The following NUMB variants were observed in gnomAD, a reference collection of about 807,000 sequenced individuals.
NUMB encodes the protein NUMB endocytic adaptor protein.
A neutral mutation model predicts 59.7 loss-of-function variants in NUMB; 29 were observed. The observed-to-expected ratio is 0.49, with a 90% CI of 0.36 to 0.66. The LOEUF is 0.66. Among genes scored for constraint, NUMB ranks in the 30% least tolerant of loss-of-function variants. The pLI is 0.00. For synonymous variants in NUMB, 288 were observed against 288.2 expected, an observed-to-expected ratio of 1.00 and a Z score of 0.01; for missense variants, 723 against 822.0, an observed-to-expected ratio of 0.88 and a Z score of 1.47.
rs943894913 is a variant in NUMB at position 73,346,498 on chromosome 14, T to A, written c.126+9128A>T. Among the ~76,000 whole-genome samples, 20 of 146,194 alleles carry A rather than the reference T, an allele frequency of 1.4e-4. No homozygotes were observed. In the East Asian group the frequency reaches 1.6e-3, roughly 11 times the overall value. On this transcript the variant is annotated intron_variant, in intron 4 of 12. Transcript: ENST00000555238. ...TCTGTCTCAAAAAAAAAAAAAAAAA[T>A]TTATCTCTGTTATACCAGCAGATAG...
chr14:73,361,170 G>A (rs896141543), intron 3 of NUMB, among the ~76,000 whole-genome samples: 1 of 152,178 alleles, frequency 6.6e-6, no homozygotes, highest in Non-Finnish European at 1.5e-5. Context: ...GATTATAGGT[G>A]TGAACCACTG....
chr14:73,418,727 C>T (rs147650413), intron 1 of NUMB, among the ~76,000 whole-genome samples: 8,032 of 151,624 alleles, frequency 0.053, 677 homozygotes, highest in African/African-American at 0.18. Context: ...GCCGAAACTG[C>T]GCCACTGCAC....
chr14:73,365,974 T>C (rs540931287), intron 3 of NUMB, among the ~76,000 whole-genome samples: 4 of 152,346 alleles, frequency 2.6e-5, no homozygotes, highest in African/African-American at 7.2e-5. Context: ...TAAGCACTCC[T>C]GCAAGTGATA....
At chr14:73,340,145 A>G (rs1892553004) in intron 4 of NUMB, among the ~76,000 whole-genome samples, 1 of 152,206 alleles carries the variant, frequency 6.6e-6, no homozygotes, top group African/African-American at 2.4e-5. Context: ...TTGGCCTCTC[A>G]CTGGCAGGAT....
rs55831976 is a variant in NUMB at position 73,390,638 on chromosome 14, CTTTTTTTTTTTT to C, written c.-101+19287_-101+19298del. ...ATTTCCTTGAGGACAAAAACAAAGT[CTTTTTTTTTTTT>C]TTTTTTTTTTTTTTTTTTTGAGACA... On this transcript the variant is annotated intron_variant, in intron 2 of 12. Transcript: ENST00000555238. Among the ~76,000 whole-genome samples the C allele has an allele frequency of 6.9e-4, 27 of 39,410 alleles. No homozygotes were observed. The South Asian group carries it at 8.8e-3, about 13-fold the overall frequency. 25.9% of individuals were successfully genotyped at this position (39,410 alleles called of 152,430 possible). A position where few individuals can be genotyped will look rare whatever the true frequency, so the allele number is the denominator to read the frequency against.
chr14:73,321,853 A>T (rs954531803), intron 5 of NUMB, among the ~76,000 whole-genome samples: 3 of 152,108 alleles, frequency 2.0e-5, no homozygotes, highest in East Asian at 1.9e-4. Flanking sequence ...ATCTTTTTTT[A>T]AAATTTTTTA....
At chr14:73,391,941 C>A (rs1895874903) in intron 2 of NUMB, among the ~76,000 whole-genome samples, 1 of 152,192 alleles carries the variant, frequency 6.6e-6, no homozygotes, top group Non-Finnish European at 1.5e-5. Flanking sequence ...ACTTCCTACC[C>A]ATTTTGTGTA....
Position 73,276,558 on chromosome 14 carries a change from T to G in NUMB, c.*20A>C, listed in dbSNP as rs369532050. 5.6e-5 allele frequency: 89 copies of G among 1,590,032 alleles called. 1 individual carries two copies. The East Asian group carries it at 1.1e-3, about 19-fold the overall frequency. On this transcript the variant is annotated 3_prime_UTR_variant, in exon 13 of 13. Coordinates refer to ENST00000555238, the MANE Select transcript of NUMB (RefSeq NM_001005743.2). ...TGCTCCCTGTCTGGTATGGACAAGA[T>G]ACATAGCCATAATGATTGCTTAAAG...
intron 4 of NUMB, among the ~76,000 whole-genome samples, chr14:73,335,573 CTGAG>C (rs1426598168): frequency 6.6e-6 from 1 of 152,274 alleles, no homozygotes; most frequent in African/African-American, 2.4e-5. Flanking sequence ...CAAACTCCTT[CTGAG>C]TAAGAAACTT....
rs543405465 is a variant in NUMB, at chr14:73,368,531, C to T, written c.-100-1550G>A. On this transcript the variant is annotated intron_variant, in intron 2 of 12. Coordinates refer to ENST00000555238, the MANE Select transcript of NUMB (RefSeq NM_001005743.2). ...CTGGGAGGCGGAGGTTACAGTGAGCCGAGATCGCGCCATTGCACTCCAGCC... is the reference window on the plus strand; with the variant it reads ...CTGGGAGGCGGAGGTTACAGTGAGCTGAGATCGCGCCATTGCACTCCAGCC... Among the ~76,000 whole-genome samples the T allele has an allele frequency of 5.3e-5, 8 of 151,274 alleles. No individual in the cohort carries two copies. The East Asian group carries it at 5.8e-4, about 11-fold the overall frequency.
intron 3 of NUMB, among the ~76,000 whole-genome samples, chr14:73,359,668 T>C (rs1298647687): frequency 6.6e-6 from 1 of 152,022 alleles, no homozygotes; most frequent in Non-Finnish European, 1.5e-5. Context: ...AGAATAAAAA[T>C]ATATTTGATT....
chr14:73,367,348 T>TATATATATATATATATAGAG (rs1555375287), intron 2 of NUMB, among the ~76,000 whole-genome samples: 3 of 105,306 alleles, frequency 2.8e-5, no homozygotes, highest in African/African-American at 1.5e-4. Flanking sequence ...TATATATATA[T>TATATATATATATATATAGAG]AGAGAGAGAG....
chr14:73,449,197 CTAGAGAAATAATT>C (rs1479379170), intron 1 of NUMB, among the ~76,000 whole-genome samples: 2 of 152,012 alleles, frequency 1.3e-5, no homozygotes, highest in East Asian at 3.8e-4. Flanking sequence ...TATAATTAAT[CTAGAGAAATAATT>C]CAAAGTATAC....
At chr14:73,441,361 AAC>A (rs1456848394) in intron 1 of NUMB, among the ~76,000 whole-genome samples, 3 of 152,054 alleles carry the variant, frequency 2.0e-5, no homozygotes, top group Non-Finnish European at 4.4e-5. Context: ...CAACCTGGCC[AAC>A]ACAGTGAAAC....
intron 11 of NUMB, among the ~76,000 whole-genome samples, chr14:73,281,915 C>T (rs1180303886): frequency 1.3e-5 from 2 of 152,154 alleles, no homozygotes; most frequent in African/African-American, 4.8e-5. Flanking sequence ...GCCAGTAACA[C>T]CCCCAACCCC....
Position 73,403,843 on chromosome 14 carries a change from C to A in NUMB, c.-101+6094G>T, listed in dbSNP as rs555987416. The stretch of plus-strand genomic sequence containing the variant: ...GGCATGGTGGCTCATGCCTGTAATT[C>A]CAGGACTTTGGGAGGCCGAGGCGGG... On this transcript the variant is annotated intron_variant, in intron 2 of 12. Coordinates refer to ENST00000555238, the MANE Select transcript of NUMB (RefSeq NM_001005743.2). Among the ~76,000 whole-genome samples, 4 of 152,142 alleles carry A rather than the reference C, an allele frequency of 2.6e-5. No individual in the cohort carries two copies. In the East Asian group the frequency reaches 7.7e-4, roughly 29 times the overall value.
intron 6 of NUMB, among the ~76,000 whole-genome samples, chr14:73,305,226 G>A (rs1594886209): frequency 6.6e-6 from 1 of 152,030 alleles, no homozygotes; most frequent in East Asian, 1.9e-4. Flanking sequence ...GTACACAAAT[G>A]GGCATGACTG....
intron 2 of NUMB, among the ~76,000 whole-genome samples, chr14:73,375,783 T>C (rs1894916953): frequency 6.6e-6 from 1 of 152,198 alleles, no homozygotes; most frequent in Non-Finnish European, 1.5e-5. Context: ...TAATCCATCA[T>C]ATTAACAGGC....
chr14:73,357,447 C>G (rs1375272810), intron 3 of NUMB, among the ~76,000 whole-genome samples: 2 of 150,082 alleles, frequency 1.3e-5, no homozygotes, highest in East Asian at 4.0e-4. Context: ...CTGTTATATT[C>G]TTTTATATCA....
Sources: allele counts gnomAD v4.1 joint callset (sites outside exome capture counted in the v4.1 genomes callset), GRCh38; gene constraint gnomAD v4.1.1; transcripts MANE v1.5; gene names NCBI Gene and HGNC (gene_info 2026-07-23, HGNC 2026-07-21).